ERC2: variants seen among roughly 807,000 people sequenced by gnomAD.
ERC2 encodes ELKS/RAB6-interacting/CAST family member 2.
Under a neutral mutation model 114.8 loss-of-function variants are expected in ERC2, and 42 were observed. The observed-to-expected ratio is 0.37, with a 90% CI of 0.29 to 0.47. The LOEUF is 0.47. ERC2 is among the 20% of genes least tolerant of loss of function. ERC2 has a pLI of 0.99. For synonymous variants in ERC2, 454 were observed against 425.5 expected (o/e 1.07, Z -0.82); for missense variants, 939 against 1,150.7 (o/e 0.82, Z 2.66).
chr3:56,213,962 A>C (rs1477595527), intron 3 of ERC2, among the ~76,000 whole-genome samples: 2 of 152,216 alleles, frequency 1.3e-5, no homozygotes, highest in African/African-American at 4.8e-5. Context: ...TAGAAGGAAA[A>C]CTAACAAACA....
rs530402605 is a variant in ERC2, at chr3:56,144,153, G to A, written c.1306-4477C>T. The stretch of plus-strand genomic sequence containing the variant: ...ATCAATGTGCCCCAGGTATATGTGA[G>A]CAAGTGAGCACTGCTCAGATATGTG... On this transcript the variant is annotated intron_variant, in intron 5 of 17. Coordinates refer to ENST00000288221, the MANE Select transcript of ERC2 (RefSeq NM_015576.3). Among the ~76,000 whole-genome samples the A allele has an allele frequency of 3.3e-5, 5 of 152,334 alleles. No individual in the cohort carries two copies. In the South Asian group the frequency reaches 8.3e-4, roughly 25 times the overall value.
chr3:55,969,392 T>TAAACACACAC (rs1156752893), intron 12 of ERC2, among the ~76,000 whole-genome samples: 8 of 140,604 alleles, frequency 5.7e-5, no homozygotes, highest in African/African-American at 2.2e-4. Context: ...TTTATACACA[T>TAAACACACAC]ACACACACAC....
intron 3 of ERC2, among the ~76,000 whole-genome samples, chr3:56,263,776 T>C (rs1477877504): frequency 6.6e-6 from 1 of 152,072 alleles, no homozygotes; most frequent in Non-Finnish European, 1.5e-5. Context: ...CTTTCAAAAA[T>C]AGAACTAGAG....
rs180763684 is a variant in ERC2 at position 55,577,717 on chromosome 3, G to A, written c.*40-66441C>T. On this transcript the variant is annotated intron_variant, in intron 17 of 17. Coordinates refer to ENST00000288221, the MANE Select transcript of ERC2 (RefSeq NM_015576.3). ...TAGGCCTTGGAGAGGAACCTGCTAG[G>A]TGGTGGCCACAGGTTCTTCATTAAG... is the stretch of plus-strand genomic sequence containing the variant. Among the ~76,000 whole-genome samples, 593 of 152,264 alleles carry A rather than the reference G, an allele frequency of 3.9e-3. 4 individuals carry two copies. The highest frequency in any genetic ancestry group is 0.013 in the African/African-American group (551 of 41,554).
At chr3:56,113,887 T>C (rs1166944498) in intron 6 of ERC2, among the ~76,000 whole-genome samples, 1 of 152,170 alleles carries the variant, frequency 6.6e-6, no homozygotes, top group Non-Finnish European at 1.5e-5. Flanking sequence ...GGGAAACATA[T>C]CACTTGTGAA....
intron 6 of ERC2, among the ~76,000 whole-genome samples, chr3:56,090,724 A>T (rs1485671): frequency 9.4e-5 from 14 of 149,612 alleles, no homozygotes; most frequent in Non-Finnish European, 1.8e-4. Flanking sequence ...GGTCTTCTAG[A>T]GTACGCATCA....
At chr3:55,896,318 G>A (rs988581290) in intron 13 of ERC2, among the ~76,000 whole-genome samples, 11 of 152,260 alleles carry the variant, frequency 7.2e-5, no homozygotes, top group Admixed American at 2.0e-4. Flanking sequence ...ACTAGGCACT[G>A]TGGCTGGCCT....
At chr3:56,449,074 C>CAAAAAAA (rs34335399) in intron 1 of ERC2, among the ~76,000 whole-genome samples, 1 of 112,274 alleles carries the variant, frequency 8.9e-6, no homozygotes, top group Non-Finnish European at 1.8e-5. Flanking sequence ...GACTCCATCT[C>CAAAAAAA]AAAAAAAAAA....
chr3:56,091,114 G>T (rs2077764426), intron 6 of ERC2, among the ~76,000 whole-genome samples: 1 of 152,074 alleles, frequency 6.6e-6, no homozygotes, highest in East Asian at 1.9e-4. Flanking sequence ...ATGGAAAACA[G>T]GCACTAGGGG....
intron 15 of ERC2, among the ~76,000 whole-genome samples, chr3:55,720,106 C>T: frequency 2.1e-5 from 1 of 48,510 alleles, no homozygotes; most frequent in African/African-American, 8.1e-5. Context: ...TCCCATCCCC[C>T]TCCTCCTCCT....
intron 2 of ERC2, among the ~76,000 whole-genome samples, chr3:56,365,217 T>C (rs968922806): frequency 6.6e-6 from 1 of 152,230 alleles, no homozygotes; most frequent in African/African-American, 2.4e-5. Context: ...AGTGACTGTA[T>C]ATAAGACAAT....
At chr3:56,107,894 C>T (rs2078756951) in intron 6 of ERC2, among the ~76,000 whole-genome samples, 1 of 152,112 alleles carries the variant, frequency 6.6e-6, no homozygotes, top group African/African-American at 2.4e-5. Context: ...TACTCAACAA[C>T]AGAAAAAAAT....
intron 2 of ERC2, among the ~76,000 whole-genome samples, chr3:56,308,492 CA>C (rs773601689): frequency 2.0e-5 from 3 of 152,106 alleles, no homozygotes; most frequent in Admixed American, 6.5e-5. Context: ...AAGTCTAAAA[CA>C]CAGAAAGGTA....
intron 17 of ERC2, among the ~76,000 whole-genome samples, chr3:55,653,397 A>C (rs947565856): frequency 2.0e-5 from 3 of 152,218 alleles, no homozygotes; most frequent in Non-Finnish European, 4.4e-5. Flanking sequence ...TTTGGAAAGC[A>C]ATCTGAGAAG....
At chr3:56,419,555 C>A (rs1345761147) in intron 2 of ERC2, among the ~76,000 whole-genome samples, 6 of 152,158 alleles carry the variant, frequency 3.9e-5, no homozygotes, top group African/African-American at 1.4e-4. Context: ...ATGTACATAC[C>A]CTTTATCACC....
At chr3:56,189,331 G>C (rs1420287604) in intron 3 of ERC2, among the ~76,000 whole-genome samples, 1 of 152,194 alleles carries the variant, frequency 6.6e-6, no homozygotes, top group Non-Finnish European at 1.5e-5. Context: ...TGGAATGCAA[G>C]AGCTCAAATA....
chr3:55,631,896 C>T (rs141516308), intron 17 of ERC2, among the ~76,000 whole-genome samples: 2 of 152,360 alleles, frequency 1.3e-5, no homozygotes, highest in East Asian at 1.9e-4. Flanking sequence ...CTTCTATTAT[C>T]TCATTCAACT....
At position 56,073,063 on chromosome 3, in the gene ERC2, CAT is replaced by C. The variant is rs143991242; in HGVS notation, c.1641+7752_1641+7753del. ...TAACAGTCCAAACACCATACACACT[CAT>C]GTGCACACACACAAACATACACGAG... On this transcript the variant is annotated intron_variant, in intron 7 of 17. Coordinates refer to ENST00000288221, the MANE Select transcript of ERC2 (RefSeq NM_015576.3). Among the ~76,000 whole-genome samples, 651 of 152,316 alleles carry C rather than the reference CAT, an allele frequency of 4.3e-3. 7 individuals carry two copies. Among genetic ancestry groups the C allele is most frequent in the African/African-American group, 0.015 (615 of 41,578 alleles).
At chr3:56,450,629 C>A (rs965059881) in intron 1 of ERC2, among the ~76,000 whole-genome samples, 1 of 152,042 alleles carries the variant, frequency 6.6e-6, no homozygotes, top group Non-Finnish European at 1.5e-5. Context: ...GAGTTTGAGA[C>A]CAGCCTGGGC....
Sources: allele counts gnomAD v4.1 joint callset (sites outside exome capture counted in the v4.1 genomes callset), GRCh38; gene constraint gnomAD v4.1.1; transcripts MANE v1.5; gene names NCBI Gene and HGNC (gene_info 2026-07-23, HGNC 2026-07-21).